Variants in LIPA observed in about 807,000 individuals in gnomAD.
LIPA encodes the protein lipase A, lysosomal acid type.
A neutral mutation model predicts 40.6 loss-of-function variants in LIPA; 26 were observed. The ratio of observed to expected loss-of-function variants is 0.64; its 90% CI spans 0.47 to 0.89. LIPA has a LOEUF of 0.89. Among genes scored for constraint, LIPA ranks in the 40% least tolerant of loss-of-function variants. LIPA has a pLI of 0.00. For missense variants in LIPA, 455 were observed against 479.6 expected, an observed-to-expected ratio of 0.95 and a Z score of 0.48; for synonymous variants, 188 against 168.4, an observed-to-expected ratio of 1.12 and a Z score of -0.90.
chr10:89,381,211 T>A (rs1428801177), intron 2 of LIPA, among the ~76,000 whole-genome samples: 1 of 152,216 alleles, frequency 6.6e-6, no homozygotes, highest in African/African-American at 2.4e-5. Flanking sequence ...AATGGAAGTC[T>A]GTGTGGATTA....
chr10:89,348,070 A>T (rs1843934350), intron 2 of LIPA, among the ~76,000 whole-genome samples: 1 of 152,242 alleles, frequency 6.6e-6, no homozygotes, highest in East Asian at 1.9e-4. Flanking sequence ...TGAGGAAGAC[A>T]TCTGAGGTTT....
At position 89,245,735 on chromosome 10, in the gene LIPA, T is replaced by C. The variant is rs768411839; in HGVS notation, c.170A>G (p.Asp57Gly). 5 of 1,606,828 alleles carry C rather than the reference T, an allele frequency of 3.1e-6. No individual in the cohort carries two copies. Among genetic ancestry groups the C allele is most frequent in the Non-Finnish European group, 3.4e-6 (4 of 1,173,424 alleles). ...TCGGTTAAGGCACAGAATATATCCA[T>C]CTTCTGTCTCAACTAGGTATTCCTC... is the stretch of plus-strand genomic sequence containing the variant. ...PSEEYLVETE[D>G]GYILCLNRIP... Residue 57 changes from aspartate to glycine, a missense_variant, in exon 3 of 10, where the codon GAT becomes GGT. By Grantham distance (94) the Asp-to-Gly change is moderately conservative (BLOSUM62 -1). Coordinates refer to ENST00000336233, the MANE Select transcript of LIPA (RefSeq NM_000235.4).
intron 1 of LIPA, among the ~76,000 whole-genome samples, chr10:89,259,590 CA>C: frequency 6.6e-6 from 1 of 152,282 alleles, no homozygotes; most frequent in Non-Finnish European, 1.5e-5. Flanking sequence ...CACAAATGAT[CA>C]TAGCAGTTTT....
chr10:89,265,854 A>T (rs1160420704), intron 1 of LIPA, among the ~76,000 whole-genome samples: 1 of 152,248 alleles, frequency 6.6e-6, no homozygotes, highest in Non-Finnish European at 1.5e-5. Context: ...CTATGTTATT[A>T]TTACAGGTGG....
At position 89,257,616 on chromosome 10, in the gene LIPA, G is replaced by T. The variant is rs535430693; in HGVS notation, c.-1-9967C>A. On this transcript the variant is annotated intron_variant, in intron 1 of 5. Transcript: ENST00000282673. ...AATCCTTGAGAAAAGAAAAACAAATGAAATGATCCCTGCAATGCCTCAGAT... is the reference window on the plus strand; with the variant it reads ...AATCCTTGAGAAAAGAAAAACAAATTAAATGATCCCTGCAATGCCTCAGAT... Among the ~76,000 whole-genome samples the T allele has an allele frequency of 2.0e-5, 3 of 152,156 alleles. No individual in the cohort carries two copies. In the South Asian group the frequency reaches 6.2e-4, roughly 31 times the overall value.
At chr10:89,338,847 T>A (rs1843793307) in intron 1 of LIPA, 4 of 1,614,002 alleles carry the variant, frequency 2.5e-6, no homozygotes, top group Non-Finnish European at 3.4e-6. Context: ...AACACCTAGA[T>A]GGTAACAACG....
rs547632656 is a variant in LIPA, at chr10:89,291,152, C to T, written c.-1-43503G>A. On this transcript the variant is annotated intron_variant, in intron 1 of 5. Coordinates refer to the LIPA transcript ENST00000282673. Reference sequence around the variant, plus strand: ...TCTTCCATCCTTCCTTCCTTTCCTCCTTCATTCCTTTTTTCCTTCCTTCTC... The same window carrying T: ...TCTTCCATCCTTCCTTCCTTTCCTCTTTCATTCCTTTTTTCCTTCCTTCTC... Among the ~76,000 whole-genome samples, 5 of 151,450 alleles carry T rather than the reference C, an allele frequency of 3.3e-5. No homozygotes were observed. In the South Asian group the frequency reaches 1.0e-3, roughly 32 times the overall value.
chr10:89,330,641 C>A (rs1178355034), intron 1 of LIPA, among the ~76,000 whole-genome samples: 1 of 152,138 alleles, frequency 6.6e-6, no homozygotes, highest in African/African-American at 2.4e-5. Context: ...CATCCTAGGG[C>A]ATTTTAAGGA....
At chr10:89,222,807 G>T (rs1336949990) in intron 7 of LIPA, among the ~76,000 whole-genome samples, 2 of 152,130 alleles carry the variant, frequency 1.3e-5, no homozygotes, top group Non-Finnish European at 2.9e-5. Context: ...TGGTAAGCAC[G>T]GGACTGTGTG....
At chr10:89,395,791 T>C (rs1440455424) in intron 2 of LIPA, among the ~76,000 whole-genome samples, 1 of 151,924 alleles carries the variant, frequency 6.6e-6, no homozygotes, top group African/African-American at 2.4e-5. Context: ...GTAGCCACTC[T>C]CACAGGAGAG....
intron 3 of LIPA, among the ~76,000 whole-genome samples, chr10:89,229,549 G>A (rs575549564): frequency 3.9e-5 from 6 of 152,310 alleles, no homozygotes; most frequent in South Asian, 2.1e-4. Context: ...TCAGTAGTTC[G>A]AGACTAGCCT....
At chr10:89,229,702 A>G (rs2266006) in intron 3 of LIPA, among the ~76,000 whole-genome samples, 126,055 of 150,574 alleles carry the variant, frequency 0.84, 53,387 homozygotes, top group East Asian at 0.99. Flanking sequence ...GCAGTGAGCC[A>G]AGATTGCACT....
chr10:89,241,037 G>C (rs1433081694), intron 3 of LIPA, among the ~76,000 whole-genome samples: 1 of 152,170 alleles, frequency 6.6e-6, no homozygotes, highest in African/African-American at 2.4e-5. Flanking sequence ...GAAAAACACA[G>C]AGGACTATAA....
intron 2 of LIPA, among the ~76,000 whole-genome samples, chr10:89,372,226 G>C (rs2133597875): frequency 6.6e-6 from 1 of 152,342 alleles, no homozygotes; most frequent in South Asian, 2.1e-4. Context: ...TATGGTCCTA[G>C]ACCAAAGCCT....
chr10:89,256,044 G>A (rs1057503952), upstream of LIPA, among the ~76,000 whole-genome samples: 1 of 152,168 alleles, frequency 6.6e-6, no homozygotes, highest in African/African-American at 2.4e-5. Context: ...AGAAAGAGAG[G>A]AGCTAGAAAT....
intron 3 of LIPA, among the ~76,000 whole-genome samples, chr10:89,243,356 C>A (rs998544444): frequency 6.6e-6 from 1 of 152,148 alleles, no homozygotes; most frequent in Non-Finnish European, 1.5e-5. Flanking sequence ...CTTGAAGACT[C>A]CCCACTGAGG....
chr10:89,300,902 G>A (rs1244814778), intron 1 of LIPA, among the ~76,000 whole-genome samples: 1 of 152,194 alleles, frequency 6.6e-6, no homozygotes, highest in Non-Finnish European at 1.5e-5. Flanking sequence ...CGAATCACTT[G>A]AACCAGGGAG....
chr10:89,236,892 GA>G (rs1283840102), intron 3 of LIPA, among the ~76,000 whole-genome samples: 2 of 151,918 alleles, frequency 1.3e-5, no homozygotes, highest in Non-Finnish European at 2.9e-5. Context: ...ACAACTTAAA[GA>G]AAAAAGAAGG....
At chr10:89,412,429 G>T (rs1038930063) in intron 2 of LIPA, among the ~76,000 whole-genome samples, 3 of 151,998 alleles carry the variant, frequency 2.0e-5, no homozygotes, top group Non-Finnish European at 2.9e-5. Flanking sequence ...TTGTAAAGTG[G>T]ACCAATCAGC....
Sources: gnomAD v4.1 joint callset for allele counts (sites outside exome capture counted in the v4.1 genomes callset) on GRCh38, gnomAD v4.1.1 for gene constraint, MANE v1.5 for transcripts, NCBI Gene and HGNC (gene_info 2026-07-23, HGNC 2026-07-21) for gene names.